The following PKNOX2 variants were observed in gnomAD, a reference collection of about 807,000 sequenced individuals.
PKNOX2 encodes the protein homeobox protein PKNOX2.
A neutral mutation model predicts 53.1 loss-of-function variants in PKNOX2; 14 were observed. That is an observed-to-expected ratio of 0.26 (90% confidence interval 0.17 to 0.41). PKNOX2 has a LOEUF of 0.41. Among genes scored for constraint, PKNOX2 ranks in the 10% least tolerant of loss-of-function variants. The pLI is 1.00. For missense variants in PKNOX2, 496 were observed against 602.8 expected (o/e 0.82, Z 1.85); for synonymous variants, 257 against 242.8 (o/e 1.06, Z -0.54).
At chr11:125,174,019 G>A (rs1039831777) in intron 1 of PKNOX2, among the ~76,000 whole-genome samples, 1 of 152,218 alleles carries the variant, frequency 6.6e-6, no homozygotes, top group Non-Finnish European at 1.5e-5. Flanking sequence ...AGTCCACAGT[G>A]CATTGTTAAG....
intron 1 of PKNOX2, among the ~76,000 whole-genome samples, chr11:125,195,990 G>T (rs1297266324): frequency 6.6e-6 from 1 of 151,640 alleles, no homozygotes; most frequent in Non-Finnish European, 1.5e-5. Context: ...GCCTCAGGCC[G>T]GTCCCCTCCC....
At chr11:125,210,167 C>T (rs557402036) in intron 1 of PKNOX2, among the ~76,000 whole-genome samples, 2 of 152,092 alleles carry the variant, frequency 1.3e-5, no homozygotes, top group Non-Finnish European at 2.9e-5. Flanking sequence ...GTGACCTTTC[C>T]CTCTGAATCC....
chr11:125,424,404 T>C (rs936490589), intron 10 of PKNOX2, among the ~76,000 whole-genome samples: 1 of 152,130 alleles, frequency 6.6e-6, no homozygotes, highest in African/African-American at 2.4e-5. Context: ...CCACCATCAG[T>C]GGCCTCTTAG....
chr11:125,415,997 C>T (rs556104376), intron 10 of PKNOX2, among the ~76,000 whole-genome samples: 1 of 152,268 alleles, frequency 6.6e-6, no homozygotes, highest in African/African-American at 2.4e-5. Context: ...CTATAAATTC[C>T]ACCTCAATAG....
chr11:125,337,446 C>A (rs558413730), intron 3 of PKNOX2, among the ~76,000 whole-genome samples: 1 of 152,202 alleles, frequency 6.6e-6, no homozygotes, highest in Non-Finnish European at 1.5e-5. Context: ...GACTGATAAT[C>A]GGACTGCGCT....
intron 1 of PKNOX2, among the ~76,000 whole-genome samples, chr11:125,169,979 A>G (rs1955157027): frequency 6.6e-6 from 1 of 152,242 alleles, no homozygotes; most frequent in South Asian, 2.1e-4. Context: ...CCTGTATCAG[A>G]CGAATGCAGA....
At chr11:125,189,777 C>T (rs1463900849) in intron 1 of PKNOX2, among the ~76,000 whole-genome samples, 11 of 151,766 alleles carry the variant, frequency 7.2e-5, no homozygotes, top group African/African-American at 1.7e-4. Context: ...AAAATTTTTT[C>T]GGTCTTCTAG....
chr11:125,339,801 C>T (rs781603791), intron 3 of PKNOX2, among the ~76,000 whole-genome samples: 5 of 152,360 alleles, frequency 3.3e-5, no homozygotes, highest in Admixed American at 1.3e-4. Context: ...CAGACAGCTA[C>T]GACACATTAT....
intron 2 of PKNOX2, among the ~76,000 whole-genome samples, chr11:125,248,681 T>C (rs527294359): frequency 6.7e-6 from 1 of 148,488 alleles, no homozygotes; most frequent in African/African-American, 2.5e-5. Flanking sequence ...ACATGTTATG[T>C]ATGTTATATA....
At chr11:125,293,808 C>T (rs778921428) in intron 2 of PKNOX2, among the ~76,000 whole-genome samples, 6 of 136,692 alleles carry the variant, frequency 4.4e-5, no homozygotes, top group African/African-American at 7.1e-5. Flanking sequence ...CACGCTCACA[C>T]ACACTCACAC....
intron 1 of PKNOX2, among the ~76,000 whole-genome samples, chr11:125,229,616 G>A (rs969374392): frequency 3.9e-4 from 59 of 152,326 alleles, no homozygotes; most frequent in Admixed American, 3.5e-3. Context: ...TCCCAGGGCA[G>A]GGTTGGTAGG....
intron 10 of PKNOX2, among the ~76,000 whole-genome samples, chr11:125,424,564 C>T (rs999891564): frequency 6.6e-5 from 10 of 152,226 alleles, no homozygotes; most frequent in Admixed American, 5.9e-4. Flanking sequence ...AGGGGAAAAG[C>T]GTGTAGTGGA....
At chr11:125,194,791 G>A (rs754991778) in intron 1 of PKNOX2, among the ~76,000 whole-genome samples, 4 of 152,284 alleles carry the variant, frequency 2.6e-5, no homozygotes, top group South Asian at 2.1e-4. Context: ...AGATGCTGCC[G>A]TCCATTGAGC....
chr11:125,297,272 G>A (rs188409911), intron 2 of PKNOX2, among the ~76,000 whole-genome samples: 1 of 152,314 alleles, frequency 6.6e-6, no homozygotes, highest in African/African-American at 2.4e-5. Context: ...CAGGGAGTGA[G>A]TAGATCATTT....
chr11:125,376,017 A>G (rs540430844), intron 5 of PKNOX2, among the ~76,000 whole-genome samples: 2 of 152,078 alleles, frequency 1.3e-5, no homozygotes, highest in African/African-American at 2.4e-5. Context: ...GGCTCTTTGT[A>G]TTTTTGCCCT....
chr11:125,203,944 A>C (rs1300795263), intron 1 of PKNOX2, among the ~76,000 whole-genome samples: 3 of 152,084 alleles, frequency 2.0e-5, no homozygotes, highest in Non-Finnish European at 4.4e-5. Flanking sequence ...CACTTTCACC[A>C]TCTGAGTAGA....
chr11:125,418,073 G>A (rs1181484292), intron 10 of PKNOX2, among the ~76,000 whole-genome samples: 1 of 151,964 alleles, frequency 6.6e-6, no homozygotes, highest in Non-Finnish European at 1.5e-5. Flanking sequence ...TTACAGAGTT[G>A]TGCAATCATC....
At chr11:125,409,332 T>C (rs1183755854) in intron 7 of PKNOX2, among the ~76,000 whole-genome samples, 1 of 152,154 alleles carries the variant, frequency 6.6e-6, no homozygotes, top group African/African-American at 2.4e-5. Flanking sequence ...AAAACATGTC[T>C]TACCTGCCTG....
chr11:125,318,451 T>C (rs1018861228), intron 2 of PKNOX2, among the ~76,000 whole-genome samples: 4 of 152,054 alleles, frequency 2.6e-5, no homozygotes, highest in Admixed American at 6.6e-5. Flanking sequence ...TTCTCACCTC[T>C]CTCCGCCTTC....
Sources: gnomAD v4.1 joint callset for allele counts (sites outside exome capture counted in the v4.1 genomes callset) on GRCh38, gnomAD v4.1.1 for gene constraint, MANE v1.5 for transcripts, NCBI Gene and HGNC (gene_info 2026-07-23, HGNC 2026-07-21) for gene names.